The following GPT2 variants were observed in gnomAD, a reference collection of about 807,000 sequenced individuals.
GPT2 encodes glutamic--pyruvic transaminase 2.
GPT2 carries 30 observed loss-of-function variants against 56.9 expected under a neutral mutation model. The observed-to-expected ratio is 0.53, with a 90% CI of 0.39 to 0.72. GPT2 has a LOEUF of 0.72. GPT2 is among the 30% of genes least tolerant of loss of function. The pLI, the probability that GPT2 is intolerant of heterozygous loss-of-function variation, is 0.00. For synonymous variants in GPT2, 271 were observed against 283.1 expected, an observed-to-expected ratio of 0.96 and a Z score of 0.43; for missense variants, 542 against 703.4, an observed-to-expected ratio of 0.77 and a Z score of 2.60.
At chr16:46,916,590 T>C in intron 6 of GPT2, 38 bp from the exon 7 acceptor site, 1 of 1,507,070 alleles carries the variant, frequency 6.6e-7, no homozygotes, top group Non-Finnish European at 9.2e-7. Flanking sequence ...TTAAACAGCA[T>C]TACAACCGAC....
intron 6 of GPT2, among the ~76,000 whole-genome samples, chr16:46,910,658 A>G (rs1961032464): frequency 6.6e-6 from 1 of 152,176 alleles, no homozygotes. Context: ...CTGAAGTGCA[A>G]GTGGTATGAT....
intron 3 of GPT2, among the ~76,000 whole-genome samples, chr16:46,898,188 T>G (rs1340913318): frequency 6.6e-6 from 1 of 152,122 alleles, no homozygotes; most frequent in African/African-American, 2.4e-5. Context: ...AGGTGGAAGT[T>G]GGCAGAGCGC....
At position 46,929,992 on chromosome 16, in the gene GPT2, A is replaced by G. The variant is rs1187377374; in HGVS notation, c.*995A>G. 1 of 152,798 alleles carries G rather than the reference A, an allele frequency of 6.5e-6. No homozygotes were observed. The highest frequency in any genetic ancestry group is 2.4e-5 in the African/African-American group (1 of 41,440). 9.5% of individuals were successfully genotyped at this position (152,798 alleles called of 1,614,324 possible). On this transcript the variant is annotated 3_prime_UTR_variant, in exon 12 of 12. Transcript: ENST00000340124. ...GCAGCCAAGGCCCTGTCCTTTCTTGAATGGTGGCGAGCTGAATCTGGTCGG... is the reference window on the plus strand; with the variant it reads ...GCAGCCAAGGCCCTGTCCTTTCTTGGATGGTGGCGAGCTGAATCTGGTCGG...
At chr16:46,895,924 A>C (rs548799914) in intron 2 of GPT2, among the ~76,000 whole-genome samples, 1 of 152,330 alleles carries the variant, frequency 6.6e-6, no homozygotes, top group South Asian at 2.1e-4. Flanking sequence ...AAAAGGAGAA[A>C]AGACAAGTGT....
chr16:46,914,748 C>A (rs867866989), intron 6 of GPT2, among the ~76,000 whole-genome samples: 1 of 152,094 alleles, frequency 6.6e-6, no homozygotes, highest in African/African-American at 2.4e-5. Context: ...CGGGGAGAGG[C>A]CTTGTCCCTG....
chr16:46,924,081 A>T, intron 9 of GPT2: 1 of 405,574 alleles, frequency 2.5e-6, no homozygotes, highest in Non-Finnish European at 4.7e-6. Context: ...GTGCCGGGAG[A>T]TGTGTTCCAC....
intron 2 of GPT2, 49 bp from the exon 3 acceptor site, chr16:46,897,599 A>AGG: frequency 6.4e-7 from 1 of 1,564,824 alleles, no homozygotes; most frequent in South Asian, 1.1e-5. Flanking sequence ...TCTGGAATCC[A>AGG]GGGTTTAAGA....
intron 3 of GPT2, among the ~76,000 whole-genome samples, chr16:46,900,044 C>G (rs565335582): frequency 6.6e-6 from 1 of 152,344 alleles, no homozygotes; most frequent in Non-Finnish European, 1.5e-5. Context: ...GTGTCAGAGC[C>G]ACAAGTCCTG....
intron 6 of GPT2, among the ~76,000 whole-genome samples, chr16:46,910,422 G>T (rs1961026568): frequency 6.8e-6 from 1 of 146,648 alleles, no homozygotes; most frequent in South Asian, 2.2e-4. Context: ...AGCCAGGTGT[G>T]GTGGTACATG....
intron 2 of GPT2, among the ~76,000 whole-genome samples, chr16:46,894,676 T>G (rs1960648852): frequency 6.6e-6 from 1 of 151,964 alleles, no homozygotes. Context: ...AATCTTTTTT[T>G]TTTTTTTGAG....
chr16:46,899,885 C>T (rs942395170), intron 3 of GPT2, among the ~76,000 whole-genome samples: 1 of 152,204 alleles, frequency 6.6e-6, no homozygotes, highest in Non-Finnish European at 1.5e-5. Context: ...GCCTCTCCAG[C>T]CTGGTGCCAG....
rs377384762 is a variant in GPT2 at position 46,913,374 on chromosome 16, A to C, written c.821-3254A>C. On this transcript the variant is annotated intron_variant, in intron 6 of 11. Coordinates refer to ENST00000340124, the MANE Select transcript of GPT2 (RefSeq NM_133443.4). ...AAGTTTGTGGCATCACAAGCATGGA[A>C]GGGCAAGACCAGGAGGAATTACAGG... Among the ~76,000 whole-genome samples the C allele has an allele frequency of 5.9e-3, 895 of 152,318 alleles. 78 individuals are homozygous for C. The South Asian group carries it at 0.15, about 26-fold the overall frequency.
rs1960591684 is a variant in GPT2 at position 46,891,858 on chromosome 16, G to C, written c.244-5790G>C. Among the ~76,000 whole-genome samples, 12 of 149,374 alleles carry C rather than the reference G, an allele frequency of 8.0e-5. No individual in the cohort carries two copies. In the South Asian group the frequency reaches 2.5e-3, roughly 32 times the overall value. The stretch of plus-strand genomic sequence containing the variant: ...CACCCTGTTGTGGTGTCAAATACTA[G>C]ATAATTCCTTCTACTTTTTGGTACC... On this transcript the variant is annotated intron_variant, in intron 2 of 11. Coordinates refer to ENST00000340124, the MANE Select transcript of GPT2 (RefSeq NM_133443.4).
At chr16:46,902,215 G>T (rs773748358) in intron 4 of GPT2, among the ~76,000 whole-genome samples, 2 of 152,198 alleles carry the variant, frequency 1.3e-5, no homozygotes, top group Admixed American at 6.5e-5. Flanking sequence ...GTTCCCTCGT[G>T]GGGTATTACA....
intron 2 of GPT2, among the ~76,000 whole-genome samples, chr16:46,895,425 T>C (rs1960667650): frequency 6.6e-6 from 1 of 151,876 alleles, no homozygotes; most frequent in Non-Finnish European, 1.5e-5. Flanking sequence ...CTTGGGAGGC[T>C]GAGGCATGAG....
intron 1 of GPT2, 71 bp downstream of exon 1, chr16:46,884,538 C>A: frequency 2.9e-6 from 2 of 698,244 alleles, no homozygotes; most frequent in Non-Finnish European, 4.0e-6. Context: ...GCTTCAGCGG[C>A]GCCGTGGAGG....
intron 2 of GPT2, among the ~76,000 whole-genome samples, chr16:46,886,566 G>T (rs541537253): frequency 6.6e-6 from 1 of 152,318 alleles, no homozygotes; most frequent in Non-Finnish European, 1.5e-5. Flanking sequence ...AGCCTTCCAA[G>T]TGGGAGCAGT....
At chr16:46,885,193 TG>T in intron 2 of GPT2, 2 of 1,264,346 alleles carry the variant, frequency 1.6e-6, no homozygotes, top group Non-Finnish European at 2.0e-6. Context: ...ATTCGTCAAT[TG>T]TTGAGCGGGC....
At chr16:46,921,321 G>T (rs1329579875) in intron 8 of GPT2, among the ~76,000 whole-genome samples, 1 of 152,130 alleles carries the variant, frequency 6.6e-6, no homozygotes, top group Admixed American at 6.5e-5. Context: ...TTACAGGCAT[G>T]CACCACCATG....
Sources: gnomAD v4.1 joint callset for allele counts (sites outside exome capture counted in the v4.1 genomes callset) on GRCh38, gnomAD v4.1.1 for gene constraint, MANE v1.5 for transcripts, NCBI Gene and HGNC (gene_info 2026-07-23, HGNC 2026-07-21) for gene names.